MAGI3: variants seen among roughly 807,000 people sequenced by gnomAD.
The protein encoded by MAGI3 is membrane associated guanylate kinase, WW and PDZ domain containing 3.
MAGI3 carries 43 observed loss-of-function variants against 121.8 expected under a neutral mutation model. That is an observed-to-expected ratio of 0.35 (90% confidence interval 0.28 to 0.46). The LOEUF (loss-of-function observed/expected upper bound fraction) is 0.46. Ranked by LOEUF, MAGI3 falls within the 20% of genes least tolerant of loss-of-function variation. MAGI3 has a pLI of 1.00. For missense variants in MAGI3, 1,547 were observed against 1,797.3 expected (o/e 0.86, Z 2.52); for synonymous variants, 553 against 639.3 (o/e 0.86, Z 2.04).
intron 6 of MAGI3, among the ~76,000 whole-genome samples, chr1:113,614,029 A>G (rs765383330): frequency 6.6e-6 from 1 of 152,216 alleles, no homozygotes; most frequent in African/African-American, 2.4e-5. Context: ...ATTCACAAAT[A>G]CAGATTACAC....
At chr1:113,398,356 A>G (rs1473172732) in intron 1 of MAGI3, among the ~76,000 whole-genome samples, 1 of 152,186 alleles carries the variant, frequency 6.6e-6, no homozygotes, top group Non-Finnish European at 1.5e-5. Flanking sequence ...AAAAAATATC[A>G]TGCAGTGGTA....
intron 1 of MAGI3, among the ~76,000 whole-genome samples, chr1:113,418,278 G>T (rs567799088): frequency 1.3e-5 from 2 of 152,088 alleles, no homozygotes; most frequent in Non-Finnish European, 2.9e-5. Context: ...GATTTGTTAG[G>T]CTGTGTAGTT....
chr1:113,442,056 A>T (rs1053381405), intron 1 of MAGI3, among the ~76,000 whole-genome samples: 2 of 152,192 alleles, frequency 1.3e-5, no homozygotes, highest in Non-Finnish European at 2.9e-5. Flanking sequence ...CAAGCAAATC[A>T]ATGTTAATGC....
intron 1 of MAGI3, chr1:113,404,594 G>A (rs903566850): frequency 6.6e-6 from 1 of 152,124 alleles, no homozygotes; most frequent in Non-Finnish European, 1.5e-5. Context: ...CCTTTTCACT[G>A]TTATCACAGT....
chr1:113,423,725 A>G (rs1354267552), intron 1 of MAGI3, among the ~76,000 whole-genome samples: 1 of 152,226 alleles, frequency 6.6e-6, no homozygotes, highest in Non-Finnish European at 1.5e-5. Flanking sequence ...CGGTACTGGC[A>G]GCCCGGCCTC....
intron 1 of MAGI3, among the ~76,000 whole-genome samples, chr1:113,395,579 A>G (rs1199231029): frequency 6.6e-6 from 1 of 151,844 alleles, no homozygotes; most frequent in Non-Finnish European, 1.5e-5. Context: ...TTTTCTCTCC[A>G]TCATTCTCTA....
intron 6 of MAGI3, among the ~76,000 whole-genome samples, chr1:113,605,423 C>T (rs1649696093): frequency 1.3e-5 from 2 of 152,244 alleles, no homozygotes; most frequent in Middle Eastern, 3.4e-3. Flanking sequence ...TTATTTAAAG[C>T]TTGAGAACAG....
chr1:113,400,514 A>G (rs774151850), intron 1 of MAGI3, among the ~76,000 whole-genome samples: 6 of 152,152 alleles, frequency 3.9e-5, no homozygotes, highest in Non-Finnish European at 5.9e-5. Flanking sequence ...GTATTGTTAG[A>G]TTAGTTTGGG....
Position 113,580,546 on chromosome 1 carries a change from T to C in MAGI3, c.438T>C (p.Thr146=). The C allele has an allele frequency of 6.2e-7, 1 of 1,607,096 alleles. No homozygotes were observed. Among genetic ancestry groups the C allele is most frequent in the Non-Finnish European group, 8.5e-7 (1 of 1,176,836 alleles). ...DNLYLRTIPC[T]TRAPRDGEVP... The stretch of plus-strand genomic sequence containing the variant: ...TTTTTTTTTCTTTTTTCTTAGGCAC[T>C]ACAAGGGCCCCCAGGGATGGAGAAG... Residue 146 remains threonine (T), a synonymous_variant, in exon 3 of 21, where the codon ACT becomes ACC. Coordinates refer to ENST00000307546, the MANE Select transcript of MAGI3 (RefSeq NM_001142782.2).
chr1:113,680,743 C>A (rs746028566), intron 19 of MAGI3, among the ~76,000 whole-genome samples: 4 of 151,960 alleles, frequency 2.6e-5, no homozygotes, highest in African/African-American at 7.2e-5. Flanking sequence ...GGCGACAGAG[C>A]AAGACTCCGT....
chr1:113,633,210 A>G (rs1320523332), intron 9 of MAGI3, among the ~76,000 whole-genome samples: 1 of 133,328 alleles, frequency 7.5e-6, no homozygotes, highest in African/African-American at 2.9e-5. Context: ...AATTTCATCC[A>G]TGTCCCTACA....
intron 1 of MAGI3, among the ~76,000 whole-genome samples, chr1:113,547,932 A>G (rs745537226): frequency 4.7e-4 from 72 of 152,288 alleles, no homozygotes; most frequent in Non-Finnish European, 8.5e-4. Context: ...AAGACAAAAG[A>G]AGGACTTTTT....
chr1:113,545,683 G>A (rs1334693307), intron 1 of MAGI3, among the ~76,000 whole-genome samples: 1 of 152,088 alleles, frequency 6.6e-6, no homozygotes, highest in African/African-American at 2.4e-5. Flanking sequence ...CATGATTGAG[G>A]TTTCTGTTAG....
At chr1:113,475,508 G>A (rs1655770490) in intron 1 of MAGI3, among the ~76,000 whole-genome samples, 1 of 152,184 alleles carries the variant, frequency 6.6e-6, no homozygotes, top group South Asian at 2.1e-4. Context: ...TTTTGTCGTT[G>A]GTTCTGTTTA....
At chr1:113,577,440 T>A (rs1647723838) in intron 2 of MAGI3, among the ~76,000 whole-genome samples, 1 of 151,940 alleles carries the variant, frequency 6.6e-6, no homozygotes, top group Non-Finnish European at 1.5e-5. Context: ...TCGGAGCAAT[T>A]TTTATGTATA....
chr1:113,451,007 A>G (rs1488628956), intron 1 of MAGI3, among the ~76,000 whole-genome samples: 1 of 152,200 alleles, frequency 6.6e-6, no homozygotes, highest in Non-Finnish European at 1.5e-5. Flanking sequence ...GAGGTCTTTT[A>G]TCTGTTGTAG....
intron 2 of MAGI3, among the ~76,000 whole-genome samples, chr1:113,550,799 T>A (rs72687973): frequency 0.19 from 28,223 of 150,398 alleles, 3,730 homozygotes; most frequent in East Asian, 0.63. Context: ...ATATATATAT[T>A]TTTACATGTT....
rs767690442 is a variant in MAGI3 at position 113,682,922 on chromosome 1, G to A, written c.3354G>A (p.Ser1118=). The A allele has an allele frequency of 5.5e-5, 88 of 1,587,484 alleles. No homozygotes were observed. Among genetic ancestry groups the A allele is most frequent in the African/African-American group, 6.8e-5 (5 of 73,304 alleles). Residue 1118 remains serine (S), a synonymous_variant, in exon 21 of 21, where the codon TCG becomes TCA. Transcript: ENST00000307546. ...DHGDWDINNP[S]SSNVIYDEQS... ...GTGATTGGGATATTAATAATCCTTC[G>A]TCTTCAAATGTGATTTATGATGAAC...
chr1:113,464,334 C>CT (rs947196193), intron 1 of MAGI3, among the ~76,000 whole-genome samples: 1 of 152,088 alleles, frequency 6.6e-6, no homozygotes, highest in African/African-American at 2.4e-5. Context: ...GGATTTCCTT[C>CT]TTTTTTGTAG....
Sources: gnomAD v4.1 joint callset for allele counts (sites outside exome capture counted in the v4.1 genomes callset) on GRCh38, gnomAD v4.1.1 for gene constraint, MANE v1.5 for transcripts, NCBI Gene and HGNC (gene_info 2026-07-23, HGNC 2026-07-21) for gene names.